The following MTR variants were observed in gnomAD, a reference collection of about 807,000 sequenced individuals.
The protein encoded by MTR is methionine synthase.
In MTR, 84 loss-of-function variants were observed where a neutral mutation model predicts 154.8. That is an observed-to-expected ratio of 0.54 (90% CI 0.45 to 0.65). The LOEUF (loss-of-function observed/expected upper bound fraction) is 0.65, where lower values mean the gene tolerates loss of function less well. Among genes scored for constraint, MTR ranks in the 30% least tolerant of loss-of-function variants. The probability of loss-of-function intolerance (pLI) is 0.00; values close to 1 mark genes in which losing one functional copy is unlikely to be tolerated. For missense variants in MTR, 1,275 were observed against 1,570.2 expected (o/e 0.81, Z 3.18); for synonymous variants, 554 against 553.9 (o/e 1.00, Z 0.00).
chr1:236,841,521 T>G (rs1663234071), intron 15 of MTR, among the ~76,000 whole-genome samples: 1 of 152,236 alleles, frequency 6.6e-6, no homozygotes, highest in South Asian at 2.1e-4. Context: ...CCAAGTCTTC[T>G]GACATGAGCT....
At chr1:236,849,160 G>T (rs1332803885) in intron 15 of MTR, among the ~76,000 whole-genome samples, 1 of 152,210 alleles carries the variant, frequency 6.6e-6, no homozygotes, top group Admixed American at 6.5e-5. Context: ...TGTTGAGGTT[G>T]TAAATTTGAT....
rs1486581515 is a variant in MTR at position 236,795,615 on chromosome 1, C to A, written c.-89C>A. On this transcript the variant is annotated 5_prime_UTR_variant, in exon 1 of 33. Transcript: ENST00000366577. ...GGCCTTGTGTGGCAGGCTCGCCTGG[C>A]GCTGGCTGGCGTGGCCCTTGGCCGT... The A allele has an allele frequency of 5.6e-6, 9 of 1,603,112 alleles. No individual in the cohort carries two copies. The South Asian group carries it at 9.9e-5, about 18-fold the overall frequency.
intron 1 of MTR, among the ~76,000 whole-genome samples, 165 bp downstream of exon 1, chr1:236,795,902 G>A (rs1444154053): frequency 2.6e-5 from 4 of 152,254 alleles, no homozygotes; most frequent in Admixed American, 2.6e-4. Flanking sequence ...GGAGGGCTAC[G>A]TGTTTTGCTC....
At chr1:236,895,107 T>G (rs993029225) in intron 30 of MTR, 1 of 539,824 alleles carries the variant, frequency 1.9e-6, no homozygotes, top group African/African-American at 1.9e-5. Flanking sequence ...AATTTTAAGG[T>G]CTAAAATCTT....
intron 29 of MTR, among the ~76,000 whole-genome samples, chr1:236,893,387 G>T (rs1478191462): frequency 3.3e-5 from 5 of 152,172 alleles, no homozygotes; most frequent in Admixed American, 3.3e-4. Context: ...TAATTGATCA[G>T]TCCTGAGCAG....
At chr1:236,868,327 T>C (rs1346612546) in intron 22 of MTR, among the ~76,000 whole-genome samples, 1 of 152,200 alleles carries the variant, frequency 6.6e-6, no homozygotes, top group Non-Finnish European at 1.5e-5. Context: ...TACCTTGTTC[T>C]TTTAGACATA....
intron 15 of MTR, among the ~76,000 whole-genome samples, chr1:236,846,557 C>G (rs3754255): frequency 6.6e-6 from 1 of 151,876 alleles, no homozygotes; most frequent in African/African-American, 2.4e-5. Flanking sequence ...CTAATTAATC[C>G]TAACCTGGAA....
At position 236,889,219 on chromosome 1, in the gene MTR, T is replaced by C. The variant is rs779579945; in HGVS notation, c.2890T>C (p.Tyr964His). Residue 964 changes from tyrosine (Y) to histidine (H), a missense_variant, in exon 28 of 33, where the codon TAT becomes CAT. Tyr to His is a moderately conservative substitution (Grantham distance 83, BLOSUM62 2). Transcript: ENST00000366577. ...TATTGGGACCCAGGTCTTTGAAGAC[T>C]ATGACCTGCAGAAGCTGGTGGACTA... ...TFIGTQVFED[Y>H]DLQKLVDYID... 3.7e-6 allele frequency: 6 copies of C among 1,614,230 alleles called. No individual in the cohort carries two copies. The highest frequency in any genetic ancestry group is 5.1e-6 in the Non-Finnish European group (6 of 1,180,034).
rs138345913 is a variant in MTR, at chr1:236,847,626, T to C, written c.1516-2718T>C. On this transcript the variant is annotated intron_variant, in intron 15 of 32. Transcript: ENST00000366577. ...TTTCTTCTACTCCAACTGAAGAAGG[T>C]GCCACATCTCACCTGTTGGTGGTTC... is the stretch of plus-strand genomic sequence containing the variant. 2.8e-3 allele frequency among the ~76,000 whole-genome samples: 419 copies of C among 152,350 alleles called. 2 individuals carry two copies. Among genetic ancestry groups the C allele is most frequent in the African/African-American group, 9.3e-3 (385 of 41,588 alleles).
Position 236,891,210 on chromosome 1 carries a change from C to G in MTR, c.3085C>G (p.Arg1029Gly). The part of the protein sequence containing the change: ...TLISQKKLRA[R>G]GVVGFWPAQS... Reference sequence around the variant, plus strand: ...GATTAGTCAAAAGAAACTCCGGGCCCGGGGTGTGGTTGGGTTCTGGCCAGC... The same window carrying G: ...GATTAGTCAAAAGAAACTCCGGGCCGGGGGTGTGGTTGGGTTCTGGCCAGC... Residue 1029 changes from arginine (R) to glycine (G), a missense_variant, in exon 29 of 33, where the codon CGG (arginine) becomes GGG (glycine). Physicochemically the swap from Arg to Gly is moderately radical, Grantham distance 125. Transcript: ENST00000366577. 3 of 1,614,088 alleles carry G rather than the reference C, an allele frequency of 1.9e-6. No homozygotes were observed. Among genetic ancestry groups the G allele is most frequent in the Non-Finnish European group, 2.5e-6 (3 of 1,180,020 alleles).
intron 24 of MTR, among the ~76,000 whole-genome samples, chr1:236,876,183 A>C (rs1292841739): frequency 6.6e-6 from 1 of 152,282 alleles, no homozygotes; most frequent in African/African-American, 2.4e-5. Flanking sequence ...CCAAGTTTAT[A>C]CGTGAAATTA....
rs1661204588 is a variant in MTR, at chr1:236,809,951, A to T, written c.410-552A>T. On this transcript the variant is annotated intron_variant, in intron 4 of 32. Coordinates refer to ENST00000366577, the MANE Select transcript of MTR (RefSeq NM_000254.3). ...TTATAATTGTTAATCCTGATTTAGT[A>T]TTTCCTTCTAGTGAAGGGCCTGCAA... 3.3e-5 allele frequency among the ~76,000 whole-genome samples: 5 copies of T among 152,310 alleles called. No homozygotes were observed. The South Asian group carries it at 1.0e-3, about 32-fold the overall frequency.
chr1:236,876,151 A>C (rs912902961), intron 24 of MTR, among the ~76,000 whole-genome samples: 1 of 152,266 alleles, frequency 6.6e-6, no homozygotes, highest in Non-Finnish European at 1.5e-5. Flanking sequence ...TGGTTAACCA[A>C]AAAGTAGATA....
Position 236,825,213 on chromosome 1 carries a change from GT to G in MTR, c.866-120del. On this transcript the variant is annotated intron_variant, in intron 9 of 32. Coordinates refer to ENST00000366577, the MANE Select transcript of MTR (RefSeq NM_000254.3). ...TTTACTGTGTGAATATTATGTGTTT[GT>G]TTTTGCAAGTAGTCACCATTTAATA... 5 of 400,058 alleles carry G rather than the reference GT, an allele frequency of 1.2e-5. No individual in the cohort carries two copies. In the South Asian group the frequency reaches 1.5e-4, roughly 12 times the overall value. The allele number at this position is 400,058 out of a possible 1,614,324, so 24.8% of individuals were successfully genotyped here. A position where few individuals can be genotyped will look rare whatever the true frequency, so the allele number is the denominator to read the frequency against.
In MTR at chr1:236,902,399, A is replaced by G. The variant is rs1666957007; in HGVS notation, c.*4755A>G. The G allele has an allele frequency of 6.6e-6, 1 of 151,984 alleles. No homozygotes were observed. The highest frequency in any genetic ancestry group is 1.5e-5 in the Non-Finnish European group (1 of 68,036). 9.4% of individuals were successfully genotyped at this position (151,984 alleles called of 1,614,324 possible). ...TTCATACAGCCCTTGCTGAAACTTCATCTAGTTCTCTGTTAGACTTAACAT... is the reference window on the plus strand; with the variant it reads ...TTCATACAGCCCTTGCTGAAACTTCGTCTAGTTCTCTGTTAGACTTAACAT... On this transcript the variant is annotated 3_prime_UTR_variant, in exon 33 of 33. Transcript: ENST00000366577.
At chr1:236,814,912 C>T (rs905691675) in intron 6 of MTR, among the ~76,000 whole-genome samples, 1 of 152,090 alleles carries the variant, frequency 6.6e-6, no homozygotes, top group African/African-American at 2.4e-5. Flanking sequence ...AGGAAAGATG[C>T]ACATTAATTA....
At chr1:236,850,667 G>T in intron 16 of MTR, 144 bp downstream of exon 16, 1 of 817,998 alleles carries the variant, frequency 1.2e-6, no homozygotes, top group East Asian at 2.7e-5. Flanking sequence ...AAATGTAGGA[G>T]ACCTTATTTT....
At position 236,844,473 on chromosome 1, in the gene MTR, T is replaced by C. The variant is rs1022085109; in HGVS notation, c.1516-5871T>C. Among the ~76,000 whole-genome samples the C allele has an allele frequency of 7.4e-3, 486 of 65,384 alleles. 9 individuals carry two copies. The highest frequency in any genetic ancestry group is 0.018 in the African/African-American group (469 of 26,130). 42.9% of individuals were successfully genotyped at this position (65,384 alleles called of 152,430 possible). A position where few individuals can be genotyped will look rare whatever the true frequency, so the allele number is the denominator to read the frequency against. ...AAGGGCGTGTGTGTGTGTGTGTGTG[T>C]GTGTGTGTGTGTGTGTGTGTGTGTG... On this transcript the variant is annotated intron_variant, in intron 15 of 32. Transcript: ENST00000366577.
At chr1:236,891,736 A>G (rs1666336376) in intron 29 of MTR, among the ~76,000 whole-genome samples, 6 of 152,184 alleles carry the variant, frequency 3.9e-5, no homozygotes, top group Admixed American at 3.3e-4. Flanking sequence ...TTGAAAGGGG[A>G]AGACAGGTGG....
Sources: gnomAD v4.1 joint callset for allele counts (sites outside exome capture counted in the v4.1 genomes callset) on GRCh38, gnomAD v4.1.1 for gene constraint, MANE v1.5 for transcripts, NCBI Gene and HGNC (gene_info 2026-07-23, HGNC 2026-07-21) for gene names.